Variants in STARD13 observed in about 807,000 individuals in gnomAD.
STARD13 encodes stAR-related lipid transfer protein 13.
A neutral mutation model predicts 106.4 loss-of-function variants in STARD13; 62 were observed. The ratio of observed to expected loss-of-function variants is 0.58; its 90% CI spans 0.48 to 0.72. STARD13 has a LOEUF of 0.72. Among genes scored for constraint, STARD13 ranks in the 30% least tolerant of loss-of-function variants. The pLI is 0.00. For missense variants in STARD13, 1,387 were observed against 1,424.0 expected (o/e 0.97, Z 0.42); for synonymous variants, 565 against 553.0 (o/e 1.02, Z -0.31).
the STARD13 span, among the ~76,000 whole-genome samples, chr13:33,606,484 T>C: frequency 1.3e-5 from 2 of 152,222 alleles, no homozygotes; most frequent in African/African-American, 4.8e-5. Flanking sequence ...TTTTCTTCCA[T>C]TTTTTGCATT....
At chr13:33,407,137 G>A in the STARD13 span, among the ~76,000 whole-genome samples, 1 of 152,210 alleles carries the variant, frequency 6.6e-6, no homozygotes, top group African/African-American at 2.4e-5. Flanking sequence ...CAGCACGCAT[G>A]TAAAATAATC....
chr13:33,342,126 T>G (rs1357685928), intron 1 of STARD13, among the ~76,000 whole-genome samples: 1 of 152,212 alleles, frequency 6.6e-6, no homozygotes, highest in Non-Finnish European at 1.5e-5. Context: ...ATTGGTTATC[T>G]ATTTATATGC....
chr13:33,609,339 C>T, the STARD13 span, among the ~76,000 whole-genome samples: 1 of 151,996 alleles, frequency 6.6e-6, no homozygotes. Flanking sequence ...TGAAAATATG[C>T]TCAACTTCAC....
At chr13:33,147,983 C>T (rs1324268161) in intron 3 of STARD13, among the ~76,000 whole-genome samples, 1 of 152,150 alleles carries the variant, frequency 6.6e-6, no homozygotes, top group East Asian at 1.9e-4. Flanking sequence ...GTAGTCTTTC[C>T]ACAAATGCTG....
the STARD13 span, among the ~76,000 whole-genome samples, chr13:33,385,841 ACT>A: frequency 1.4e-5 from 2 of 144,104 alleles, no homozygotes; most frequent in Admixed American, 1.4e-4. Context: ...GCAGAGCAAG[ACT>A]CTGTCTCAAA....
intron 1 of STARD13, among the ~76,000 whole-genome samples, chr13:33,278,851 CT>C (rs1891598624): frequency 1.3e-5 from 2 of 152,118 alleles, no homozygotes; most frequent in South Asian, 4.1e-4. Flanking sequence ...CAACATTTCT[CT>C]TTTCATCAGA....
At chr13:33,170,007 G>C (rs999408365) in intron 1 of STARD13, among the ~76,000 whole-genome samples, 1 of 151,462 alleles carries the variant, frequency 6.6e-6, no homozygotes, top group Admixed American at 6.6e-5. Flanking sequence ...GGCTGAGGAG[G>C]GTAGTGGGGG....
chr13:33,434,710 C>T, the STARD13 span, among the ~76,000 whole-genome samples: 11 of 152,082 alleles, frequency 7.2e-5, no homozygotes, highest in African/African-American at 1.4e-4. Context: ...GCTGCATATA[C>T]GTTTCTTGGT....
chr13:33,454,104 C>G, the STARD13 span, among the ~76,000 whole-genome samples: 1 of 152,226 alleles, frequency 6.6e-6, no homozygotes, highest in Admixed American at 6.5e-5. Context: ...TATTTTGCTA[C>G]AGGGTGCTTC....
intron 4 of STARD13, among the ~76,000 whole-genome samples, chr13:33,132,324 T>G (rs1878422776): frequency 6.6e-6 from 1 of 152,188 alleles, no homozygotes. Context: ...AATTGAATCG[T>G]GGGGGTGGTT....
intron 1 of STARD13, among the ~76,000 whole-genome samples, chr13:33,225,419 T>C (rs980831558): frequency 2.6e-5 from 4 of 152,244 alleles, no homozygotes; most frequent in Admixed American, 1.3e-4. Flanking sequence ...TTCTAACTTT[T>C]ATTTTTTAAT....
the STARD13 span, among the ~76,000 whole-genome samples, chr13:33,544,393 T>C: frequency 6.6e-6 from 1 of 152,232 alleles, no homozygotes; most frequent in African/African-American, 2.4e-5. Context: ...ACTGCCTTTA[T>C]TGACACAGTA....
intron 13 of STARD13, among the ~76,000 whole-genome samples, chr13:33,106,287 G>T (rs1248333865): frequency 6.6e-6 from 1 of 152,210 alleles, no homozygotes; most frequent in African/African-American, 2.4e-5. Context: ...TGAGTGTGGT[G>T]GTGGGCAGCT....
At chr13:33,614,183 C>A in the STARD13 span, among the ~76,000 whole-genome samples, 2,269 of 152,018 alleles carry the variant, frequency 0.015, 52 homozygotes, top group African/African-American at 0.051. Context: ...CCCTTGGCAA[C>A]CAGCTCAGCT....
chr13:33,433,067 T>A, the STARD13 span, among the ~76,000 whole-genome samples: 1 of 152,202 alleles, frequency 6.6e-6, no homozygotes, highest in Non-Finnish European at 1.5e-5. Context: ...TAAAAGGATG[T>A]TTTTCAGCAA....
At chr13:33,231,860 C>T (rs969110798) in intron 1 of STARD13, among the ~76,000 whole-genome samples, 3 of 152,092 alleles carry the variant, frequency 2.0e-5, no homozygotes, top group African/African-American at 7.2e-5. Context: ...CCTTGGTATC[C>T]ACAGGGGATT....
the STARD13 span, among the ~76,000 whole-genome samples, chr13:33,540,928 A>C: frequency 6.6e-6 from 1 of 152,240 alleles, no homozygotes; most frequent in Non-Finnish European, 1.5e-5. Flanking sequence ...GCCCAAGCTC[A>C]GAAAAGATAA....
At chr13:33,584,652 C>A in the STARD13 span, among the ~76,000 whole-genome samples, 1 of 152,080 alleles carries the variant, frequency 6.6e-6, no homozygotes, top group African/African-American at 2.4e-5. Flanking sequence ...ATTTTAAATG[C>A]TGAATTTGAG....
At chr13:33,340,510 T>G (rs1484589783) in intron 1 of STARD13, among the ~76,000 whole-genome samples, 1 of 152,212 alleles carries the variant, frequency 6.6e-6, no homozygotes, top group Admixed American at 6.5e-5. Flanking sequence ...GACCTTCCAG[T>G]TTAATATCAT....
Sources: allele counts gnomAD v4.1 joint callset (sites outside exome capture counted in the v4.1 genomes callset), GRCh38; gene constraint gnomAD v4.1.1; transcripts MANE v1.5; gene names NCBI Gene and HGNC (gene_info 2026-07-23, HGNC 2026-07-21).